The following SPATS2 variants were observed in gnomAD, a reference collection of about 807,000 sequenced individuals.
SPATS2 encodes spermatogenesis-associated serine-rich protein 2.
Under a neutral mutation model 63.7 loss-of-function variants are expected in SPATS2, and 38 were observed. The ratio of observed to expected loss-of-function variants is 0.60; its 90% confidence interval spans 0.46 to 0.78. The LOEUF is 0.78. Among genes scored for constraint, SPATS2 ranks in the 30% least tolerant of loss-of-function variants. The pLI is 0.00. For synonymous variants in SPATS2, 207 were observed against 232.9 expected (o/e 0.89, Z 1.01); for missense variants, 588 against 666.2 (o/e 0.88, Z 1.29).
At chr12:49,498,628 T>G (rs1946508314) in intron 8 of SPATS2, among the ~76,000 whole-genome samples, 1 of 152,186 alleles carries the variant, frequency 6.6e-6, no homozygotes, top group African/African-American at 2.4e-5. Flanking sequence ...TGTATTCATC[T>G]TTTGTTAACA....
intron 11 of SPATS2, among the ~76,000 whole-genome samples, chr12:49,521,578 G>C (rs1016079481): frequency 2.6e-5 from 4 of 151,968 alleles, no homozygotes; most frequent in Non-Finnish European, 4.4e-5. Context: ...CTCTTCCCAC[G>C]TGGCTGAAAA....
At chr12:49,390,252 T>C in intron 2 of SPATS2, 1 of 763,060 alleles carries the variant, frequency 1.3e-6, no homozygotes, top group South Asian at 1.8e-5. Flanking sequence ...CAATCCATTA[T>C]TTTTTTCTCT....
At chr12:49,487,947 AG>A (rs777832997) in intron 4 of SPATS2, among the ~76,000 whole-genome samples, 65 of 152,160 alleles carry the variant, frequency 4.3e-4, no homozygotes, top group Non-Finnish European at 1.3e-4. Context: ...ACCTATTAAT[AG>A]TTCAAGCTCA....
chr12:49,516,204 T>TAAAAATAA lies in SPATS2; in HGVS notation c.898+1592_898+1593insAAAATAAA, dbSNP rs1555193493. On this transcript the variant is annotated intron_variant, in intron 10 of 13. Transcript: ENST00000552918. Reference sequence around the variant, plus strand: ...ATATATATATATATATATATATATATATATAAATCAGGCATGGGGTCATGT... The same window carrying TAAAAATAA: ...ATATATATATATATATATATATATATAAAAATAAATATAAATCAGGCATGGGGTCATGT... 1.1e-3 allele frequency among the ~76,000 whole-genome samples: 81 copies of TAAAAATAA among 70,712 alleles called. 8 individuals carry two copies. The highest frequency in any genetic ancestry group is 4.1e-3 in the African/African-American group (78 of 19,018). 46.4% of individuals were successfully genotyped at this position (70,712 alleles called of 152,430 possible). A position where few individuals can be genotyped will look rare whatever the true frequency, so the allele number is the denominator to read the frequency against.
At chr12:49,433,031 A>G (rs968767953) in intron 2 of SPATS2, among the ~76,000 whole-genome samples, 9 of 152,342 alleles carry the variant, frequency 5.9e-5, no homozygotes, top group African/African-American at 1.7e-4. Flanking sequence ...CATTCTTGCC[A>G]GCAGTACACA....
chr12:49,428,503 C>G (rs1945124147), intron 2 of SPATS2, among the ~76,000 whole-genome samples: 1 of 152,142 alleles, frequency 6.6e-6, no homozygotes, highest in African/African-American at 2.4e-5. Flanking sequence ...GTCTAGGTGC[C>G]TCATATAAAT....
At chr12:49,474,453 A>G (rs542907164) in intron 3 of SPATS2, among the ~76,000 whole-genome samples, 3 of 152,242 alleles carry the variant, frequency 2.0e-5, no homozygotes, top group Non-Finnish European at 4.4e-5. Context: ...GGATTGACCT[A>G]TTCATTTCTG....
chr12:49,419,243 CAATAT>C (rs1565712291), intron 2 of SPATS2, among the ~76,000 whole-genome samples: 2 of 152,302 alleles, frequency 1.3e-5, no homozygotes, highest in East Asian at 1.9e-4. Context: ...TTAAGACTTA[CAATAT>C]AGTAGCATGG....
At position 49,524,570 on chromosome 12, in the gene SPATS2, G is replaced by A. The variant is rs373150591; in HGVS notation, c.1112-112G>A. ...CAGTTTTATAGGTTTTTCTTTATTCGAATAGACAGTTCTTTATCTTAAATT... is the reference window on the plus strand; with the variant it reads ...CAGTTTTATAGGTTTTTCTTTATTCAAATAGACAGTTCTTTATCTTAAATT... On this transcript the variant is annotated intron_variant, in intron 12 of 13. Transcript: ENST00000552918. The A allele has an allele frequency of 1.8e-5, 20 of 1,132,928 alleles. No individual in the cohort carries two copies. In the East Asian group the frequency reaches 2.1e-4, roughly 12 times the overall value. 70.2% of individuals were successfully genotyped at this position (1,132,928 alleles called of 1,614,324 possible). A position where few individuals can be genotyped will look rare whatever the true frequency, so the allele number is the denominator to read the frequency against.
At chr12:49,432,808 T>G (rs1186890358) in intron 2 of SPATS2, among the ~76,000 whole-genome samples, 1 of 152,238 alleles carries the variant, frequency 6.6e-6, no homozygotes, top group African/African-American at 2.4e-5. Flanking sequence ...TACCACATTT[T>G]ATCTATTCAT....
At position 49,460,807 on chromosome 12, in the gene SPATS2, A is replaced by T. The variant is rs1945808768; in HGVS notation, c.-206A>T. 1.7e-6 allele frequency: 1 copy of T among 602,672 alleles called. No homozygotes were observed. Among genetic ancestry groups the T allele is most frequent in the Admixed American group, 3.1e-5 (1 of 31,874 alleles). The allele number at this position is 602,672 out of a possible 1,614,324, so 37.3% of individuals were successfully genotyped here. On this transcript the variant is annotated 5_prime_UTR_variant, in exon 3 of 14. Coordinates refer to ENST00000552918, the MANE Select transcript of SPATS2 (RefSeq NM_023071.4). ...AAAGGAGACATGAATGTCTGCAATGATACTTCCTGACAAGAAGTTGATACA... is the reference window on the plus strand; with the variant it reads ...AAAGGAGACATGAATGTCTGCAATGTTACTTCCTGACAAGAAGTTGATACA...
chr12:49,440,754 A>G (rs1267951480), intron 2 of SPATS2, among the ~76,000 whole-genome samples: 1 of 152,146 alleles, frequency 6.6e-6, no homozygotes, highest in East Asian at 1.9e-4. Context: ...GGCATGAGCC[A>G]CTGTGCCTGG....
At position 49,367,565 on chromosome 12, in the gene SPATS2, G is replaced by T; in HGVS notation, c.-329G>T. The T allele has an allele frequency of 1.0e-5, 4 of 398,516 alleles. No homozygotes were observed. The highest frequency in any genetic ancestry group is 1.8e-5 in the Non-Finnish European group (4 of 226,244). The allele number at this position is 398,516 out of a possible 1,614,324, so 24.7% of individuals were successfully genotyped here. A position where few individuals can be genotyped will look rare whatever the true frequency, so the allele number is the denominator to read the frequency against. On this transcript the variant is annotated 5_prime_UTR_variant, in exon 1 of 14. Coordinates refer to ENST00000552918, the MANE Select transcript of SPATS2 (RefSeq NM_023071.4). ...CGGAGCCCGGAGCTGGGGCGACGAG[G>T]CGATTGCGGGGGCCTGGGCTAGGTG...
chr12:49,480,792 T>G (rs1159639078), intron 3 of SPATS2, among the ~76,000 whole-genome samples: 11 of 149,252 alleles, frequency 7.4e-5, no homozygotes, highest in Non-Finnish European at 1.3e-4. Flanking sequence ...CTTGTTGTTT[T>G]CTGTTTTTTT....
Position 49,526,220 on chromosome 12 carries a change from C to T in SPATS2, c.1603C>T (p.Pro535Ser). Reference protein sequence around the residue: ...SFKKGLPQRKPRTSQTEAVNS With the variant: ...SFKKGLPQRKSRTSQTEAVNS ...CAAAAAGGGGCTCCCCCAGCGCAAA[C>T]CCAGGACCTCTCAGACTGAAGCCGT... Residue 535 changes from proline (P) to serine (S), a missense_variant, in exon 14 of 14, where the codon CCC becomes TCC. Transcript: ENST00000552918. 1 of 1,613,824 alleles carries T rather than the reference C, an allele frequency of 6.2e-7. No homozygotes were observed. The highest frequency in any genetic ancestry group is 8.5e-7 in the Non-Finnish European group (1 of 1,179,906).
intron 2 of SPATS2, among the ~76,000 whole-genome samples, chr12:49,412,082 G>A (rs1286812010): frequency 6.6e-6 from 1 of 152,110 alleles, no homozygotes; most frequent in Non-Finnish European, 1.5e-5. Context: ...GTTATTATAT[G>A]TTAGTGATGA....
At chr12:49,419,189 A>G (rs1466346179) in intron 2 of SPATS2, among the ~76,000 whole-genome samples, 1 of 152,254 alleles carries the variant, frequency 6.6e-6, no homozygotes, top group Admixed American at 6.5e-5. Flanking sequence ...CTTATCTTTT[A>G]GAATATTTAA....
rs190377865 is a variant in SPATS2, at chr12:49,394,922, A to G, written c.-244+23632A>G. On this transcript the variant is annotated intron_variant, in intron 2 of 13. Transcript: ENST00000552918. ...TCTCTACTAAAAATACAAAAAAAAA[A>G]TTTAGCTGGGCTTGGTGGCAGAGGC... 3.1e-3 allele frequency among the ~76,000 whole-genome samples: 476 copies of G among 151,718 alleles called. 4 individuals are homozygous for G. Among genetic ancestry groups the G allele is most frequent in the African/African-American group, 0.011 (459 of 41,292 alleles).
rs531465092 is a variant in SPATS2 at position 49,457,624 on chromosome 12, G to A, written c.-243-3146G>A. On this transcript the variant is annotated intron_variant, in intron 2 of 13. Transcript: ENST00000552918. ...AATTCTGTATTTTTAGTAGAGATGG[G>A]GTTTCACCATGCCGGTCAGACTGGT... Among the ~76,000 whole-genome samples the A allele has an allele frequency of 2.6e-5, 4 of 152,136 alleles. No individual in the cohort carries two copies. In the South Asian group the frequency reaches 8.3e-4, roughly 32 times the overall value.
Sources: allele counts gnomAD v4.1 joint callset (sites outside exome capture counted in the v4.1 genomes callset), GRCh38; gene constraint gnomAD v4.1.1; transcripts MANE v1.5; gene names NCBI Gene and HGNC (gene_info 2026-07-23, HGNC 2026-07-21).